The following ANAPC1 variants were observed in gnomAD, a reference collection of about 807,000 sequenced individuals.
ANAPC1 encodes the protein anaphase-promoting complex subunit 1.
Under a neutral mutation model 208.0 loss-of-function variants are expected in ANAPC1, and 36 were observed. The ratio of observed to expected loss-of-function variants is 0.17; its 90% CI spans 0.13 to 0.23. The LOEUF (loss-of-function observed/expected upper bound fraction) is 0.23, where lower values mean the gene tolerates loss of function less well. ANAPC1 is among the 10% of genes least tolerant of loss of function. The pLI is 1.00. For missense variants in ANAPC1, 942 were observed against 2,011.6 expected (o/e 0.47, Z 10.17); for synonymous variants, 378 against 695.2 (o/e 0.54, Z 7.18).
chr2:111,812,410 C>A lies in ANAPC1; in HGVS notation c.3597+2960G>T, dbSNP rs1434164715. Reference sequence around the variant, plus strand: ...TGACAGCCAAGCAGGCAGCATCCACCAATAATCCTCAATGAGACTCAGACA... The same window carrying A: ...TGACAGCCAAGCAGGCAGCATCCACAAATAATCCTCAATGAGACTCAGACA... On this transcript the variant is annotated intron_variant, in intron 28 of 47. Coordinates refer to ENST00000341068, the MANE Select transcript of ANAPC1 (RefSeq NM_022662.4). Among the ~76,000 whole-genome samples the A allele has an allele frequency of 2.3e-5, 2 of 85,704 alleles. 1 individual carries two copies. Among genetic ancestry groups the A allele is most frequent in the Non-Finnish European group, 5.3e-5 (2 of 37,472 alleles). The allele number at this position is 85,704 out of a possible 152,430, so 56.2% of individuals were successfully genotyped here. A position where few individuals can be genotyped will look rare whatever the true frequency, so the allele number is the denominator to read the frequency against.
At position 111,792,436 on chromosome 2, in the gene ANAPC1, C is replaced by A. The variant is rs534987123; in HGVS notation, c.4638G>T (p.Thr1546=). Residue 1546 remains threonine, a synonymous_variant, in exon 38 of 48, where the codon ACG becomes ACT. Coordinates refer to ENST00000341068, the MANE Select transcript of ANAPC1 (RefSeq NM_022662.4). The stretch of plus-strand genomic sequence containing the variant: ...GAAAACCATAGTTCATTTCACCACC[C>A]GTTTTCATGTGTAAGAAGCGACAAA... ...LQLCRFLHMK[T]GGEMNYGFHL... is the part of the protein sequence containing the mutation. The A allele has an allele frequency of 6.2e-7, 1 of 1,612,282 alleles. No individual in the cohort carries two copies. Among genetic ancestry groups the A allele is most frequent in the African/African-American group, 1.3e-5 (1 of 74,638 alleles).
At chr2:111,835,297 A>G (rs897709580) in intron 18 of ANAPC1, among the ~76,000 whole-genome samples, 5 of 152,242 alleles carry the variant, frequency 3.3e-5, no homozygotes, top group South Asian at 2.1e-4. Flanking sequence ...TTCCACATGT[A>G]TAAGATGCCG....
Position 111,769,320 on chromosome 2 carries a change from G to A in ANAPC1, c.5806C>T (p.Leu1936Phe). Reference sequence around the variant, plus strand: ...ATCACCATTGGCTGTGGATTTCCAAGAAGCAAAGGAGCCAATCTCAGCAAA... The same window carrying A: ...ATCACCATTGGCTGTGGATTTCCAAAAAGCAAAGGAGCCAATCTCAGCAAA... ...RALLRLAPLL[L>F]GNPQPMVM Residue 1936 changes from leucine (L) to phenylalanine (F), a missense_variant, in exon 48 of 48, where the codon CTT becomes TTT. By Grantham distance (22) the Leu-to-Phe change is conservative (BLOSUM62 0). Transcript: ENST00000341068. 1 of 1,556,536 alleles carries A rather than the reference G, an allele frequency of 6.4e-7. No individual in the cohort carries two copies. The highest frequency in any genetic ancestry group is 8.7e-7 in the Non-Finnish European group (1 of 1,148,724).
intron 26 of ANAPC1, chr2:111,819,227 G>A (rs1293217382): frequency 1.8e-5 from 18 of 984,676 alleles, no homozygotes; most frequent in African/African-American, 7.0e-5. Flanking sequence ...AAACCCAGCC[G>A]ACTCTCTCTA....
intron 43 of ANAPC1, among the ~76,000 whole-genome samples, chr2:111,782,034 A>T (rs538751437): frequency 5.4e-4 from 82 of 151,586 alleles, no homozygotes; most frequent in African/African-American, 2.0e-3. Flanking sequence ...TTGCTATGAA[A>T]TTAAGTAAAT....
Position 111,834,720 on chromosome 2 carries a change from A to G in ANAPC1, c.2268T>C (p.Phe756=). The G allele has an allele frequency of 1.2e-6, 2 of 1,613,618 alleles. No individual in the cohort carries two copies. Among genetic ancestry groups the G allele is most frequent in the Non-Finnish European group, 1.7e-6 (2 of 1,179,790 alleles). Residue 756 remains phenylalanine, a synonymous_variant, in exon 19 of 48, where the codon TTT becomes TTC. Coordinates refer to ENST00000341068, the MANE Select transcript of ANAPC1 (RefSeq NM_022662.4). ...NLSLDSSTLL[F]THIPAIFFVL... Reference sequence around the variant, plus strand: ...CGAAAAAAATTGCAGGTATGTGAGTAAAGAGAAGTGTAGAAGAATCCAGAC... The same window carrying G: ...CGAAAAAAATTGCAGGTATGTGAGTGAAGAGAAGTGTAGAAGAATCCAGAC...
At chr2:111,775,286 G>A (rs1349971679) in intron 46 of ANAPC1, among the ~76,000 whole-genome samples, 2 of 152,140 alleles carry the variant, frequency 1.3e-5, no homozygotes, top group East Asian at 1.9e-4. Flanking sequence ...AAACAAAACC[G>A]ACATTTATAT....
chr2:111,866,594 C>T (rs1573499712), intron 7 of ANAPC1, among the ~76,000 whole-genome samples: 1 of 149,976 alleles, frequency 6.7e-6, no homozygotes, highest in African/African-American at 2.4e-5. Context: ...GGCGTGATGG[C>T]ACACCCCTAA....
intron 7 of ANAPC1, among the ~76,000 whole-genome samples, chr2:111,867,690 C>CA (rs34739497): frequency 4.9e-4 from 70 of 141,432 alleles, no homozygotes; most frequent in East Asian, 1.4e-3. Context: ...AGACCCCTCT[C>CA]AAAAAAAAAA....
At position 111,856,515 on chromosome 2, in the gene ANAPC1, C is replaced by A. The variant is rs1306332027; in HGVS notation, c.1515+99G>T. ...TTCTGCCAAATTGTGCAGACAGGAA[C>A]ATAACAAATTTAAAATATCAATCTA... On this transcript the variant is annotated intron_variant, in intron 13 of 47. Coordinates refer to ENST00000341068, the MANE Select transcript of ANAPC1 (RefSeq NM_022662.4). The A allele has an allele frequency of 5.8e-6, 7 of 1,199,630 alleles. No homozygotes were observed. In the East Asian group the frequency reaches 9.7e-5, roughly 17 times the overall value. The allele number at this position is 1,199,630 out of a possible 1,614,324, so 74.3% of individuals were successfully genotyped here. A position where few individuals can be genotyped will look rare whatever the true frequency, so the allele number is the denominator to read the frequency against.
At chr2:111,883,572 G>C (rs17835589) in intron 1 of ANAPC1, among the ~76,000 whole-genome samples, 36,052 of 151,698 alleles carry the variant, frequency 0.24, 4,478 homozygotes, top group Middle Eastern at 0.39. Flanking sequence ...ACACTAACGG[G>C]AGCTTAAGTC....
chr2:111,779,890 C>G, intron 44 of ANAPC1: 1 of 233,386 alleles, frequency 4.3e-6, no homozygotes, highest in South Asian at 5.1e-5. Flanking sequence ...GCTAAGCACC[C>G]TTGGAATCTT....
intron 2 of ANAPC1, among the ~76,000 whole-genome samples, chr2:111,879,648 A>G (rs1044547105): frequency 6.6e-6 from 1 of 152,092 alleles, no homozygotes; most frequent in Non-Finnish European, 1.5e-5. Context: ...TGGCAGGTGG[A>G]TCACCTGAGG....
At chr2:111,791,232 T>C (rs1677857991) in intron 38 of ANAPC1, among the ~76,000 whole-genome samples, 3 of 149,832 alleles carry the variant, frequency 2.0e-5, no homozygotes, top group African/African-American at 7.4e-5. Flanking sequence ...TCCTGTTATA[T>C]ACCTACTAGT....
At chr2:111,867,995 A>T in intron 7 of ANAPC1, 28 bp downstream of exon 7, 1 of 1,493,158 alleles carries the variant, frequency 6.7e-7, no homozygotes, top group Non-Finnish European at 9.1e-7. Flanking sequence ...AAAAGAGCTT[A>T]TCTAAAAGAA....
At chr2:111,794,780 G>C in intron 35 of ANAPC1, 38 bp downstream of exon 35, 1 of 894,908 alleles carries the variant, frequency 1.1e-6, no homozygotes, top group Non-Finnish European at 1.7e-6. Context: ...TTATCTGATA[G>C]ACGCTAGGAT....
chr2:111,860,876 T>A lies in ANAPC1; in HGVS notation c.1262+1513A>T, dbSNP rs547130399. Among the ~76,000 whole-genome samples the A allele has an allele frequency of 5.9e-5, 9 of 152,114 alleles. No individual in the cohort carries two copies. In the East Asian group the frequency reaches 1.7e-3, roughly 29 times the overall value. ...CCCTCTCCTTGGGAAAAGGCCTATA[T>A]ACTACATGTACACACAATTATTGAA... On this transcript the variant is annotated intron_variant, in intron 10 of 47. Transcript: ENST00000341068.
At chr2:111,835,965 G>C (rs564722547) in intron 18 of ANAPC1, among the ~76,000 whole-genome samples, 1 of 152,164 alleles carries the variant, frequency 6.6e-6, no homozygotes, top group South Asian at 2.1e-4. Flanking sequence ...CTCATGTCTA[G>C]AACATGTAAG....
Position 111,880,790 on chromosome 2 carries a change from A to C in ANAPC1, c.36T>G (p.Ile12Met). Residue 12 changes from isoleucine to methionine, a missense_variant, in exon 2 of 48, where the codon ATT becomes ATG. Ile to Met is a conservative substitution (Grantham distance 10, BLOSUM62 1). Transcript: ENST00000341068. ...CAAATTCCTGCAAATCCCTTGCTGC[A>C]ATCATCGTTGTCCTTTCTTCATAGA... ...SNFYEERTTM[I>M]AARDLQEFVP... 6.2e-7 allele frequency: 1 copy of C among 1,613,888 alleles called. No individual in the cohort carries two copies. Among genetic ancestry groups the C allele is most frequent in the Non-Finnish European group, 8.5e-7 (1 of 1,179,864 alleles).
Sources: gnomAD v4.1 joint callset for allele counts (sites outside exome capture counted in the v4.1 genomes callset) on GRCh38, gnomAD v4.1.1 for gene constraint, MANE v1.5 for transcripts, NCBI Gene and HGNC (gene_info 2026-07-23, HGNC 2026-07-21) for gene names.